The following KDELR1 variants were observed in gnomAD, a reference collection of about 807,000 sequenced individuals.
KDELR1 encodes the protein ER lumen protein-retaining receptor 1.
KDELR1 carries 16 observed loss-of-function variants against 25.5 expected under a neutral mutation model. The ratio of observed to expected loss-of-function variants is 0.63; its 90% CI spans 0.43 to 0.95. The LOEUF is 0.95. Among genes scored for constraint, KDELR1 ranks in the 40% least tolerant of loss-of-function variants. The pLI, the probability that KDELR1 is intolerant of heterozygous loss-of-function variation, is 0.00. For synonymous variants in KDELR1, 121 were observed against 115.0 expected (o/e 1.05, Z -0.33); for missense variants, 159 against 265.2 (o/e 0.60, Z 2.78).
Position 48,383,273 on chromosome 19 carries a change from A to G in KDELR1, c.*20T>C. 6.5e-7 allele frequency: 1 copy of G among 1,548,998 alleles called. No homozygotes were observed. The highest frequency in any genetic ancestry group is 8.7e-7 in the Non-Finnish European group (1 of 1,145,182). The stretch of plus-strand genomic sequence containing the variant: ...TCTGCCTCCCGCTGCTGCCGAGGAG[A>G]GAGATGGAGAGGACCGGGGCTATGC... On this transcript the variant is annotated 3_prime_UTR_variant, in exon 5 of 5. Coordinates refer to ENST00000330720, the MANE Select transcript of KDELR1 (RefSeq NM_006801.3).
the KDELR1 span, among the ~76,000 whole-genome samples, chr19:48,396,798 G>T: frequency 6.6e-6 from 1 of 152,004 alleles, no homozygotes; most frequent in Admixed American, 6.6e-5. Flanking sequence ...TCTGTGGGGT[G>T]GACGAGGCCT....
upstream of KDELR1, among the ~76,000 whole-genome samples, chr19:48,395,238 C>A (rs1348497150): frequency 1.3e-5 from 2 of 151,824 alleles, no homozygotes; most frequent in African/African-American, 4.8e-5. Context: ...GCCTCCATCT[C>A]TCTATCTCAC....
At chr19:48,387,687 G>GAAAAAAAAAAAAAAA (rs957905797) in intron 3 of KDELR1, 1 of 87,002 alleles carries the variant, frequency 1.1e-5, no homozygotes. Context: ...TCTCAAAAAA[G>GAAAAAAAAAAAAAAA]AAAAAAAAAA....
the KDELR1 span, among the ~76,000 whole-genome samples, chr19:48,396,842 G>C: frequency 1.3e-5 from 2 of 152,136 alleles, no homozygotes; most frequent in East Asian, 3.9e-4. Flanking sequence ...GAGCATGACA[G>C]CCAGGAGAGA....
chr19:48,387,776 C>G (rs982196442), intron 3 of KDELR1: 1 of 152,040 alleles, frequency 6.6e-6, no homozygotes, highest in Non-Finnish European at 1.5e-5. Context: ...TGAATTATGG[C>G]TTCTGTTGAA....
rs893118446 is a variant in KDELR1, at chr19:48,389,625, G to C, written c.279C>G (p.Phe93Leu). The C allele has an allele frequency of 2.5e-6, 4 of 1,614,142 alleles. No individual in the cohort carries two copies. Among genetic ancestry groups the C allele is most frequent in the Non-Finnish European group, 2.5e-6 (3 of 1,179,982 alleles). ...TGGGAACGACCAGGAACTCCACTCTGAACGTGTCATGGTTCCCATCGTAAG... is the reference window on the plus strand; with the variant it reads ...TGGGAACGACCAGGAACTCCACTCTCAACGTGTCATGGTTCCCATCGTAAG... Reference protein sequence around the residue: ...KATYDGNHDTFRVEFLVVPTA... With the variant: ...KATYDGNHDTLRVEFLVVPTA... Residue 93 changes from phenylalanine to leucine, a missense_variant, in exon 3 of 5, where the codon TTC (phenylalanine) becomes TTG (leucine). By Grantham distance (22) the Phe-to-Leu change is conservative. Transcript: ENST00000330720.
chr19:48,396,741 G>T, the KDELR1 span, among the ~76,000 whole-genome samples: 1 of 151,966 alleles, frequency 6.6e-6, no homozygotes, highest in Non-Finnish European at 1.5e-5. Context: ...ACGGGCTGTG[G>T]CCTCGAGGCA....
intron 1 of KDELR1, among the ~76,000 whole-genome samples, chr19:48,391,047 T>C (rs946147916): frequency 3.3e-5 from 5 of 152,136 alleles, no homozygotes; most frequent in African/African-American, 9.7e-5. Flanking sequence ...GGTGGCTGAA[T>C]TGGGGGCCTA....
chr19:48,393,100 TC>T (rs1970581138), upstream of KDELR1, among the ~76,000 whole-genome samples: 1 of 151,922 alleles, frequency 6.6e-6, no homozygotes, highest in Non-Finnish European at 1.5e-5. This position sits in a 1 kb window ranked among gnomAD's most constrained non-coding sequence, Gnocchi z 5.6. Context: ...CATCCACGAG[TC>T]TTGGGTCCCT....
rs1236023013 is a variant in KDELR1, at chr19:48,391,301, G to A, written c.58C>T (p.Leu20=). The A allele has an allele frequency of 6.4e-7, 1 of 1,559,250 alleles. No homozygotes were observed. Among genetic ancestry groups the A allele is most frequent in the Non-Finnish European group, 8.7e-7 (1 of 1,151,248 alleles). ...GAGCGGGACTTCCAGATTTTGAGCAGTAGCAAGATGATGGCGAGGAGGTGG... is the reference window on the plus strand; with the variant it reads ...GAGCGGGACTTCCAGATTTTGAGCAATAGCAAGATGATGGCGAGGAGGTGG... ...LSHLLAIILL[L]LKIWKSRSCA... Residue 20 remains leucine (L), a synonymous_variant, in exon 1 of 5, where the codon CTG becomes TTG. Coordinates refer to ENST00000330720, the MANE Select transcript of KDELR1 (RefSeq NM_006801.3).
At chr19:48,396,892 C>T in the KDELR1 span, among the ~76,000 whole-genome samples, 2 of 152,090 alleles carry the variant, frequency 1.3e-5, no homozygotes, top group African/African-American at 2.4e-5. Flanking sequence ...CTGGAAGCCC[C>T]TAGTGCGGAC....
In KDELR1 at chr19:48,383,178, G is replaced by T. The variant is rs2230412; in HGVS notation, c.*115C>A. On this transcript the variant is annotated 3_prime_UTR_variant, in exon 5 of 5. Transcript: ENST00000330720. Reference sequence around the variant, plus strand: ...GAAACCCGGCAGGAGGCGGGATGGGGAGCACAAGAGGTGGGTTCTTAAAAA... The same window carrying T: ...GAAACCCGGCAGGAGGCGGGATGGGTAGCACAAGAGGTGGGTTCTTAAAAA... The T allele has an allele frequency of 1.6e-3, 1,746 of 1,089,306 alleles. 28 individuals are homozygous for T. The African/African-American group carries it at 0.024, about 15-fold the overall frequency. The allele number at this position is 1,089,306 out of a possible 1,614,324, so 67.5% of individuals were successfully genotyped here. A position where few individuals can be genotyped will look rare whatever the true frequency, so the allele number is the denominator to read the frequency against.
chr19:48,390,577 G>GAGAGAGAGATAC, intron 1 of KDELR1, 53 bp from the exon 2 acceptor site: 1 of 979,528 alleles, frequency 1.0e-6, no homozygotes, highest in Admixed American at 2.3e-5. Flanking sequence ...GAGAGAGAGA[G>GAGAGAGAGATAC]AGACAGACAG....
upstream of KDELR1, among the ~76,000 whole-genome samples, chr19:48,392,675 A>C (rs1038827516): frequency 6.6e-6 from 1 of 152,142 alleles, no homozygotes; most frequent in Non-Finnish European, 1.5e-5. Flanking sequence ...AGGAAACAGG[A>C]GCCTCACCCA....
chr19:48,393,034 G>T (rs1970580416), upstream of KDELR1, among the ~76,000 whole-genome samples: 2 of 152,232 alleles, frequency 1.3e-5, no homozygotes, highest in South Asian at 4.1e-4. This position sits in a 1 kb window ranked among gnomAD's most constrained non-coding sequence, Gnocchi z 5.6. Context: ...TAAAAGAAGG[G>T]GTGCAGGCGT....
chr19:48,389,728 T>C lies in KDELR1; in HGVS notation c.193-17A>G, dbSNP rs1195821435. ...GTAGACCACCTGAGGAGGGGGATGA[T>C]GAGAAGGGGCCTCAACTCACAGGCC... On this transcript the variant is annotated splice_polypyrimidine_tract_variant and intron_variant, in intron 2 of 4. Transcript: ENST00000330720. The C allele has an allele frequency of 1.2e-6, 2 of 1,613,380 alleles. No homozygotes were observed. The highest frequency in any genetic ancestry group is 1.7e-6 in the Non-Finnish European group (2 of 1,179,812).
chr19:48,396,304 G>T (rs1569056469), upstream of KDELR1, among the ~76,000 whole-genome samples: 1 of 151,994 alleles, frequency 6.6e-6, no homozygotes, highest in South Asian at 2.1e-4. Context: ...AGTGGGGGAG[G>T]CTGCTCTCCC....
rs1193394386 is a variant in KDELR1, at chr19:48,384,129, C to T, written c.604+101G>A. The T allele has an allele frequency of 1.4e-6, 2 of 1,443,174 alleles. No homozygotes were observed. The highest frequency in any genetic ancestry group is 2.8e-5 in the African/African-American group (2 of 70,564). 89.4% of individuals were successfully genotyped at this position (1,443,174 alleles called of 1,614,324 possible). On this transcript the variant is annotated intron_variant, in intron 4 of 4. Coordinates refer to ENST00000330720, the MANE Select transcript of KDELR1 (RefSeq NM_006801.3). This position sits in a 1 kb window ranked among gnomAD's most constrained non-coding sequence, Gnocchi z 4.6. The stretch of plus-strand genomic sequence containing the variant: ...CAGAAACCCGGCGAAGAAATGCTCC[C>T]TTCTTTGCATAATACAGGGGTAAGG...
At chr19:48,390,958 A>C (rs1258042269) in intron 1 of KDELR1, 2 of 484,796 alleles carry the variant, frequency 4.1e-6, no homozygotes, top group East Asian at 8.1e-5. Flanking sequence ...CACGTCACCA[A>C]CTCACAGCCA....
Sources: gnomAD v4.1 joint callset for allele counts (sites outside exome capture counted in the v4.1 genomes callset) on GRCh38, gnomAD v4.1.1 for gene constraint, Gnocchi (gnomAD v3.1) non-coding constraint, MANE v1.5 for transcripts, NCBI Gene and HGNC (gene_info 2026-07-23, HGNC 2026-07-21) for gene names.